The following LIMD1 variants were observed in gnomAD, a reference collection of about 807,000 sequenced individuals.
The protein encoded by LIMD1 is LIM domain-containing protein 1.
LIMD1 carries 23 observed loss-of-function variants against 58.4 expected under a neutral mutation model. The observed-to-expected ratio is 0.39, with a 90% CI of 0.28 to 0.56. LIMD1 has a LOEUF of 0.56. LIMD1 is among the 20% of genes least tolerant of loss of function. The pLI, the probability that LIMD1 is intolerant of heterozygous loss-of-function variation, is 0.57. For synonymous variants in LIMD1, 334 were observed against 345.5 expected (o/e 0.97, Z 0.37); for missense variants, 838 against 855.5 (o/e 0.98, Z 0.25).
chr3:45,670,496 C>T (rs181434903), intron 4 of LIMD1, among the ~76,000 whole-genome samples: 61 of 152,316 alleles, frequency 4.0e-4, no homozygotes, highest in Admixed American at 1.8e-3. Context: ...CTTTGTTCAG[C>T]TGGTAGCACA....
intron 1 of LIMD1, among the ~76,000 whole-genome samples, chr3:45,607,961 T>C (rs1191664978): frequency 2.6e-5 from 4 of 152,226 alleles, no homozygotes; most frequent in Non-Finnish European, 5.9e-5. Context: ...TGCCAAAATG[T>C]CGCCTGTTCC....
At chr3:45,671,855 G>A (rs933142344) in intron 4 of LIMD1, among the ~76,000 whole-genome samples, 1 of 152,192 alleles carries the variant, frequency 6.6e-6, no homozygotes, top group Non-Finnish European at 1.5e-5. Flanking sequence ...CACCTAAAAA[G>A]AGGCTTGGAG....
intron 2 of LIMD1, among the ~76,000 whole-genome samples, chr3:45,653,907 C>CAAAAAAAAAAAAAAAAAAAAA (rs35185922): frequency 4.0e-5 from 3 of 74,838 alleles, no homozygotes; most frequent in African/African-American, 9.8e-5. Flanking sequence ...AAGACTGTCT[C>CAAAAAAAAAAAAAAAAAAAAA]AAAAAAAAAA....
At position 45,677,163 on chromosome 3, in the gene LIMD1, G is replaced by A. The variant is rs1697683236; in HGVS notation, c.*104G>A. ...GAAGTGGGGTAGGGGAAGAGGAGGG[G>A]CAGGAGGGAGAGTTCCTGTGAGCAT... On this transcript the variant is annotated 3_prime_UTR_variant, in exon 8 of 8. Transcript: ENST00000273317. 2 of 1,337,582 alleles carry A rather than the reference G, an allele frequency of 1.5e-6. No homozygotes were observed. Among genetic ancestry groups the A allele is most frequent in the Non-Finnish European group, 1.0e-6 (1 of 962,880 alleles). The allele number at this position is 1,337,582 out of a possible 1,614,324, so 82.9% of individuals were successfully genotyped here.
intron 1 of LIMD1, among the ~76,000 whole-genome samples, chr3:45,608,426 C>G (rs1316324270): frequency 1.3e-5 from 2 of 152,134 alleles, no homozygotes; most frequent in Non-Finnish European, 2.9e-5. Context: ...GGAAGCTTTC[C>G]CTCATTTGCT....
At chr3:45,672,614 G>A in intron 4 of LIMD1, 76 bp from the exon 5 acceptor site, 1 of 1,512,292 alleles carries the variant, frequency 6.6e-7, no homozygotes, top group Non-Finnish European at 9.1e-7. Flanking sequence ...TAATCCTTAG[G>A]CCTGATGTGT....
chr3:45,677,084 G>T lies in LIMD1; in HGVS notation c.*25G>T. ...GCCAGAGCCACTTGCAGACATCACG[G>T]CAGGGGATGAGGAGCCGGGGTTGCT... On this transcript the variant is annotated 3_prime_UTR_variant, in exon 8 of 8. Coordinates refer to ENST00000273317, the MANE Select transcript of LIMD1 (RefSeq NM_014240.3). 6.2e-7 allele frequency: 1 copy of T among 1,606,594 alleles called. No individual in the cohort carries two copies. Among genetic ancestry groups the T allele is most frequent in the Non-Finnish European group, 8.5e-7 (1 of 1,175,866 alleles).
At chr3:45,651,638 A>T (rs9809013) in intron 2 of LIMD1, among the ~76,000 whole-genome samples, 42,811 of 148,742 alleles carry the variant, frequency 0.29, 6,533 homozygotes, top group East Asian at 0.54. Context: ...TCAGATGGTT[A>T]TTTTTTTTTT....
At chr3:45,671,772 G>A (rs1410553799) in intron 4 of LIMD1, among the ~76,000 whole-genome samples, 1 of 152,190 alleles carries the variant, frequency 6.6e-6, no homozygotes, top group Non-Finnish European at 1.5e-5. Context: ...GTTTGCAGGT[G>A]ATGCTAATGC....
chr3:45,602,247 C>G (rs2125648029), intron 1 of LIMD1, among the ~76,000 whole-genome samples: 1 of 152,274 alleles, frequency 6.6e-6, no homozygotes, highest in South Asian at 2.1e-4. Flanking sequence ...TGCGCCCGGC[C>G]TGGGCTGTGG....
chr3:45,602,779 A>C (rs1422492476), intron 1 of LIMD1, among the ~76,000 whole-genome samples: 1 of 152,018 alleles, frequency 6.6e-6, no homozygotes, highest in East Asian at 1.9e-4. Context: ...ACATGACTAC[A>C]GATGCCCTTC....
At chr3:45,609,950 T>A (rs1575344559) in intron 1 of LIMD1, among the ~76,000 whole-genome samples, 1 of 152,092 alleles carries the variant, frequency 6.6e-6, no homozygotes, top group East Asian at 1.9e-4. Flanking sequence ...TCCCAGCACT[T>A]TGGGAGGCCG....
rs1314209375 is a variant in LIMD1, at chr3:45,684,176, T to A, written c.*7117T>A. ...TAGATGTGTGACACTTCTAGGAGAATCTCTGGCTATGTGGATACGTCCAGG... is the reference window on the plus strand; with the variant it reads ...TAGATGTGTGACACTTCTAGGAGAAACTCTGGCTATGTGGATACGTCCAGG... On this transcript the variant is annotated 3_prime_UTR_variant, in exon 8 of 8. Transcript: ENST00000273317. 6.6e-6 allele frequency: 1 copy of A among 152,226 alleles called. No individual in the cohort carries two copies. Among genetic ancestry groups the A allele is most frequent in the Non-Finnish European group, 1.5e-5 (1 of 68,056 alleles). 9.4% of individuals were successfully genotyped at this position (152,226 alleles called of 1,614,324 possible). A position where few individuals can be genotyped will look rare whatever the true frequency, so the allele number is the denominator to read the frequency against.
Position 45,636,043 on chromosome 3 carries a change from G to A in LIMD1, c.1409-107G>A, listed in dbSNP as rs1485451214. 3.2e-6 allele frequency: 5 copies of A among 1,565,224 alleles called. No individual in the cohort carries two copies. In the Admixed American group the frequency reaches 1.0e-4, roughly 31 times the overall value. On this transcript the variant is annotated intron_variant, in intron 1 of 7. Coordinates refer to ENST00000273317, the MANE Select transcript of LIMD1 (RefSeq NM_014240.3). Reference sequence around the variant, plus strand: ...GAGTCATCCACTGGATTTGGTGGTGGGCTGGCCATGGGGAGGGATGGTATT... The same window carrying A: ...GAGTCATCCACTGGATTTGGTGGTGAGCTGGCCATGGGGAGGGATGGTATT...
Position 45,632,983 on chromosome 3 carries a change from G to A in LIMD1, c.1409-3167G>A, listed in dbSNP as rs80101942. ...CTAGGTGGGCCCCACAGCTCCATGT[G>A]TGCCAGCAAAAGAAATGCAGTTTGC... On this transcript the variant is annotated intron_variant, in intron 1 of 7. Transcript: ENST00000273317. Among the ~76,000 whole-genome samples, 631 of 152,346 alleles carry A rather than the reference G, an allele frequency of 4.1e-3. 1 individual carries two copies. Among genetic ancestry groups the A allele is most frequent in the African/African-American group, 0.014 (591 of 41,576 alleles).
chr3:45,625,513 A>G (rs979244804), intron 1 of LIMD1, among the ~76,000 whole-genome samples: 5 of 152,124 alleles, frequency 3.3e-5, no homozygotes, highest in African/African-American at 1.2e-4. Context: ...TGAGGCACTC[A>G]GCATTTCTTG....
intron 1 of LIMD1, among the ~76,000 whole-genome samples, chr3:45,601,375 A>T (rs1701409759): frequency 6.6e-6 from 1 of 152,118 alleles, no homozygotes; most frequent in Non-Finnish European, 1.5e-5. Flanking sequence ...GAAGATGGTG[A>T]CTTTGGGCGA....
chr3:45,635,854 C>A (rs924593503), intron 1 of LIMD1: 2 of 982,786 alleles, frequency 2.0e-6, no homozygotes, highest in Admixed American at 6.2e-5. Context: ...TGGGAACCTT[C>A]GAAAGCTTTG....
At position 45,683,285 on chromosome 3, in the gene LIMD1, G is replaced by GCTTCCTAAGGCCAATTCAGGCTGA. The variant is rs1381639444; in HGVS notation, c.*6234_*6257dup. On this transcript the variant is annotated 3_prime_UTR_variant, in exon 8 of 8. Coordinates refer to ENST00000273317, the MANE Select transcript of LIMD1 (RefSeq NM_014240.3). Reference sequence around the variant, plus strand: ...GATAGGGTCTGGAGGCATGGAATTGGCTTCCTAAGGCCAATTCAGGCTGAC... The same window carrying GCTTCCTAAGGCCAATTCAGGCTGA: ...GATAGGGTCTGGAGGCATGGAATTGGCTTCCTAAGGCCAATTCAGGCTGACTTCCTAAGGCCAATTCAGGCTGAC... The GCTTCCTAAGGCCAATTCAGGCTGA allele has an allele frequency of 6.6e-6, 1 of 152,164 alleles. No individual in the cohort carries two copies. The highest frequency in any genetic ancestry group is 2.4e-5 in the African/African-American group (1 of 41,424). The allele number at this position is 152,164 out of a possible 1,614,324, so 9.4% of individuals were successfully genotyped here.
Sources: gnomAD v4.1 joint callset for allele counts (sites outside exome capture counted in the v4.1 genomes callset) on GRCh38, gnomAD v4.1.1 for gene constraint, MANE v1.5 for transcripts, NCBI Gene and HGNC (gene_info 2026-07-23, HGNC 2026-07-21) for gene names.